Variants in CHD5 observed in about 807,000 individuals in gnomAD.
CHD5 encodes the protein ATP-dependent chromatin remodeler CHD5.
In CHD5, 69 loss-of-function variants were observed where a neutral mutation model predicts 230.3. The ratio of observed to expected loss-of-function variants is 0.30; its 90% CI spans 0.25 to 0.37. CHD5 has a LOEUF of 0.37. Ranked by LOEUF, CHD5 falls within the 10% of genes least tolerant of loss-of-function variation. CHD5 has a pLI of 1.00. For synonymous variants in CHD5, 1,064 were observed against 1,065.9 expected (o/e 1.00, Z 0.03); for missense variants, 1,827 against 2,622.8 (o/e 0.70, Z 6.63).
intron 38 of CHD5, 58 bp downstream of exon 38, chr1:6,109,737 G>A (rs961577205): frequency 2.3e-5 from 33 of 1,466,478 alleles, no homozygotes; most frequent in Admixed American, 5.4e-5. Flanking sequence ...AGCCAAGAGC[G>A]CTCGCTGGGC....
intron 17 of CHD5, 71 bp downstream of exon 17, chr1:6,136,446 G>C: frequency 6.4e-7 from 1 of 1,560,784 alleles, no homozygotes; most frequent in Non-Finnish European, 8.8e-7. Context: ...GCCAGGATGG[G>C]CTATTGATCC....
At chr1:6,153,855 A>C (rs1667041945) in intron 5 of CHD5, among the ~76,000 whole-genome samples, 1 of 151,850 alleles carries the variant, frequency 6.6e-6, no homozygotes, top group African/African-American at 2.4e-5. Flanking sequence ...AAACAAAACA[A>C]ATCAGGGCAC....
chr1:6,125,004 G>A lies in CHD5; in HGVS notation c.4394+96C>T, dbSNP rs55930553. On this transcript the variant is annotated intron_variant, in intron 29 of 41. Coordinates refer to ENST00000262450, the MANE Select transcript of CHD5 (RefSeq NM_015557.3). The surrounding 1 kb of genome is among the most constrained non-coding windows in gnomAD (Gnocchi z 6.7). ...ACTTTCCAGACGGCCTCATCCTGGCGGAAGCAAATGCTGCCCTCTGTGGGG... is the reference window on the plus strand; with the variant it reads ...ACTTTCCAGACGGCCTCATCCTGGCAGAAGCAAATGCTGCCCTCTGTGGGG... 0.27 allele frequency: 344,545 copies of A among 1,291,048 alleles called. 48,621 individuals are homozygous for A. Among genetic ancestry groups the A allele is most frequent in the South Asian group, 0.4 (25,504 of 64,164 alleles). 80.0% of individuals were successfully genotyped at this position (1,291,048 alleles called of 1,614,324 possible).
In CHD5 at chr1:6,131,010, G is replaced by A. The variant is rs1376538631; in HGVS notation, c.3262+621C>T. ...GAGGAATCACTGCTTTGGGCGTTTG[G>A]AGAGCGTGGCCCCAGCCCCTAAGGG... On this transcript the variant is annotated intron_variant, in intron 21 of 41. Transcript: ENST00000262450. This position sits in a 1 kb window ranked among gnomAD's most constrained non-coding sequence, Gnocchi z 5.0. Among the ~76,000 whole-genome samples, 1 of 152,266 alleles carries A rather than the reference G, an allele frequency of 6.6e-6. No individual in the cohort carries two copies. The highest frequency in any genetic ancestry group is 6.5e-5 in the Admixed American group (1 of 15,294).
At chr1:6,148,733 C>A (rs1156572375) in intron 9 of CHD5, 121 bp downstream of exon 9, 4 of 712,314 alleles carry the variant, frequency 5.6e-6, no homozygotes, top group Non-Finnish European at 8.3e-6. Context: ...GATCGGCTAC[C>A]GAGGCGGGGC....
chr1:6,126,824 C>T lies in CHD5; in HGVS notation c.3904-78G>A, dbSNP rs1666566359. 1.0e-5 allele frequency: 14 copies of T among 1,396,968 alleles called. 2 individuals carry two copies. The Admixed American group carries it at 2.5e-4, about 25-fold the overall frequency. 86.5% of individuals were successfully genotyped at this position (1,396,968 alleles called of 1,614,324 possible). A position where few individuals can be genotyped will look rare whatever the true frequency, so the allele number is the denominator to read the frequency against. ...GAAGCCTCAGGCTGCCTCCACCTGA[C>T]CTGCCCTTTGCCCCCTCAGGGCTCA... On this transcript the variant is annotated intron_variant, in intron 25 of 41. Transcript: ENST00000262450. This position sits in a 1 kb window ranked among gnomAD's most constrained non-coding sequence, Gnocchi z 5.7.
Position 6,128,985 on chromosome 1 carries a change from T to C in CHD5, c.3472A>G (p.Ile1158Val). 1 of 1,612,406 alleles carries C rather than the reference T, an allele frequency of 6.2e-7. No homozygotes were observed. Among genetic ancestry groups the C allele is most frequent in the South Asian group, 1.1e-5 (1 of 91,076 alleles). The part of the protein sequence containing the change: ...FVTRASVEER[I>V]TQVAKRKMML... The stretch of plus-strand genomic sequence containing the variant: ...ATCTTGCGCTTGGCCACCTGCGTGA[T>C]GCGCTCCTCCACCGAGGCCCGAGTC... The change falls in exon 23 of 42, where the codon ATC becomes GTC. Residue 1158 changes from isoleucine to valine, a missense_variant. Around this residue, in one of 14 missense-constraint regions of CHD5, gnomAD observed 81 missense variants for 245.4 expected, o/e 0.33. Coordinates refer to ENST00000262450, the MANE Select transcript of CHD5 (RefSeq NM_015557.3). The surrounding 1 kb of genome is among the most constrained non-coding windows in gnomAD (Gnocchi z 7.8).
chr1:6,119,718 TATATATACGTAC>T (rs767654638), intron 33 of CHD5, among the ~76,000 whole-genome samples: 62 of 151,584 alleles, frequency 4.1e-4, no homozygotes, highest in Non-Finnish European at 7.8e-4. Context: ...TACGTGTGTG[TATATATACGTAC>T]ATATATAGGT....
At chr1:6,141,833 A>G (rs549372694) in intron 15 of CHD5, among the ~76,000 whole-genome samples, 29 of 152,314 alleles carry the variant, frequency 1.9e-4, no homozygotes, top group African/African-American at 6.5e-4. Context: ...GTTCTCCCCT[A>G]GGGCTTTCAG....
chr1:6,175,128 T>G (rs943479516), intron 1 of CHD5, among the ~76,000 whole-genome samples: 1 of 145,256 alleles, frequency 6.9e-6, no homozygotes, highest in Non-Finnish European at 1.5e-5. Flanking sequence ...AGATGGACAA[T>G]AGGTGGATGG....
At chr1:6,165,186 C>G (rs1206907750) in intron 2 of CHD5, among the ~76,000 whole-genome samples, 1 of 152,084 alleles carries the variant, frequency 6.6e-6, no homozygotes, top group Admixed American at 6.5e-5. Flanking sequence ...CTCAAAGACC[C>G]CCTGGCCCCC....
intron 17 of CHD5, 88 bp downstream of exon 17, chr1:6,136,429 T>G (rs1571152828): frequency 6.8e-7 from 1 of 1,478,194 alleles, no homozygotes; most frequent in Non-Finnish European, 9.3e-7. Flanking sequence ...GCCGAGCAGG[T>G]CTCACAGCCA....
rs535437285 is a variant in CHD5 at position 6,170,393 on chromosome 1, G to A, written c.80-2116C>T. 3.9e-4 allele frequency among the ~76,000 whole-genome samples: 59 copies of A among 152,274 alleles called. 1 individual carries two copies. The South Asian group carries it at 8.1e-3, about 21-fold the overall frequency. Reference sequence around the variant, plus strand: ...TGGGGCTCCCATGGCCCACACTATGGGTGCAGCTTTAGCCCCACTGTCCCC... The same window carrying A: ...TGGGGCTCCCATGGCCCACACTATGAGTGCAGCTTTAGCCCCACTGTCCCC... On this transcript the variant is annotated intron_variant, in intron 1 of 41. Coordinates refer to ENST00000262450, the MANE Select transcript of CHD5 (RefSeq NM_015557.3).
At position 6,135,274 on chromosome 1, in the gene CHD5, G is replaced by T. The variant is rs371540899; in HGVS notation, c.2826C>A (p.Ala942=). 2.5e-5 allele frequency: 40 copies of T among 1,614,038 alleles called. No homozygotes were observed. The highest frequency in any genetic ancestry group is 3.3e-5 in the Non-Finnish European group (39 of 1,180,054). The change falls in exon 18 of 42, where the codon GCC becomes GCA. Residue 942 remains alanine (A), a synonymous_variant. Coordinates refer to ENST00000262450, the MANE Select transcript of CHD5 (RefSeq NM_015557.3). The stretch of plus-strand genomic sequence containing the variant: ...CCACCCGGACAATGAGCTCGGTCTT[G>T]GCCGGCATGTTCTTGAACACGTCAG... ...LKADVFKNMP[A]KTELIVRVEL... is the part of the protein sequence containing the mutation.
intron 6 of CHD5, among the ~76,000 whole-genome samples, 198 bp from the exon 7 acceptor site, chr1:6,151,353 AG>A (rs1423165699): frequency 6.6e-6 from 1 of 152,194 alleles, no homozygotes; most frequent in Non-Finnish European, 1.5e-5. Flanking sequence ...CCGCCTACCC[AG>A]AGCCCTGCTC....
chr1:6,131,670 T>C lies in CHD5; in HGVS notation c.3223A>G (p.Thr1075Ala). The C allele has an allele frequency of 1.2e-6, 2 of 1,613,360 alleles. No homozygotes were observed. The highest frequency in any genetic ancestry group is 1.7e-6 in the Non-Finnish European group (2 of 1,179,388). ...YKYERIDGGI[T>A]GGLRQEAIDR... ...ATTGCCTCCTGCCGGAGGCCCCCGGTGATGCCACCATCAATCCGCTCATAC... is the reference window on the plus strand; with the variant it reads ...ATTGCCTCCTGCCGGAGGCCCCCGGCGATGCCACCATCAATCCGCTCATAC... Residue 1075 changes from threonine to alanine, a missense_variant, in exon 21 of 42, where the codon ACC (threonine) becomes GCC (alanine). By Grantham distance (58) the Thr-to-Ala change is moderately conservative. Around this residue, in one of 14 missense-constraint regions of CHD5, gnomAD observed 81 missense variants for 245.4 expected, o/e 0.33. Coordinates refer to ENST00000262450, the MANE Select transcript of CHD5 (RefSeq NM_015557.3). This position sits in a 1 kb window ranked among gnomAD's most constrained non-coding sequence, Gnocchi z 5.0.
chr1:6,126,594 G>C lies in CHD5; in HGVS notation c.4056C>G (p.Asn1352Lys), dbSNP rs778348411. 4 of 1,613,442 alleles carry C rather than the reference G, an allele frequency of 2.5e-6. No homozygotes were observed. Among genetic ancestry groups the C allele is most frequent in the Non-Finnish European group, 2.5e-6 (3 of 1,180,022 alleles). The change falls in exon 26 of 42, where the codon AAC (asparagine) becomes AAG (lysine). Residue 1352 changes from asparagine (N) to lysine (K), a missense_variant. Around this residue, in one of 14 missense-constraint regions of CHD5, gnomAD observed 137 missense variants for 272.7 expected, o/e 0.50. Transcript: ENST00000262450. This position sits in a 1 kb window ranked among gnomAD's most constrained non-coding sequence, Gnocchi z 5.7. Reference protein sequence around the residue: ...GKRIRKQVNYNDASQEDQEWQ... With the variant: ...GKRIRKQVNYKDASQEDQEWQ... ...CACCCTGGTCCTCCTGGGAGGCATC[G>C]TTGTAGTTGACCTGCTTGCGGATGC...
intron 5 of CHD5, among the ~76,000 whole-genome samples, chr1:6,152,783 T>C (rs2311388): frequency 0.42 from 64,024 of 152,114 alleles, 15,969 homozygotes; most frequent in East Asian, 0.67. Context: ...CCCTTGTCCA[T>C]GACCCACAGA....
intron 6 of CHD5, among the ~76,000 whole-genome samples, chr1:6,151,760 C>G (rs1489280867): frequency 6.6e-6 from 1 of 150,660 alleles, no homozygotes; most frequent in Non-Finnish European, 1.5e-5. Flanking sequence ...CTGGCTCCTG[C>G]CATGGTGCAG....
Sources: allele counts gnomAD v4.1 joint callset (sites outside exome capture counted in the v4.1 genomes callset), GRCh38; gene constraint gnomAD v4.1.1; regional missense constraint gnomAD v4.1.1; non-coding constraint Gnocchi (gnomAD v3.1); transcripts MANE v1.5; gene names NCBI Gene and HGNC (gene_info 2026-07-23, HGNC 2026-07-21).